The following IRAG1 variants were observed in gnomAD, a reference collection of about 807,000 sequenced individuals.
IRAG1 encodes the protein inositol 1,4,5-triphosphate receptor associated 1.
Under a neutral mutation model 106.2 loss-of-function variants are expected in IRAG1, and 62 were observed. That is an observed-to-expected ratio of 0.58 (90% CI 0.48 to 0.72). The LOEUF (loss-of-function observed/expected upper bound fraction) is 0.72. Ranked by LOEUF, IRAG1 falls within the 30% of genes least tolerant of loss-of-function variation. The probability of loss-of-function intolerance (pLI) is 0.00; values close to 1 mark genes in which losing one functional copy is unlikely to be tolerated. For synonymous variants in IRAG1, 462 were observed against 443.9 expected, an observed-to-expected ratio of 1.04 and a Z score of -0.51; for missense variants, 1,064 against 1,140.7, an observed-to-expected ratio of 0.93 and a Z score of 0.97.
chr11:10,652,636 G>T lies in IRAG1; in HGVS notation c.68-454C>A, dbSNP rs879556339. Among the ~76,000 whole-genome samples the T allele has an allele frequency of 2.0e-5, 3 of 152,082 alleles. No homozygotes were observed. The South Asian group carries it at 6.2e-4, about 32-fold the overall frequency. ...TTCCCATTTTACAGATGAGAGAACC[G>T]CCCCAGAGAGTGAAAGTCACTTGCC... On this transcript the variant is annotated intron_variant, in intron 1 of 20. Transcript: ENST00000423302.
rs1858995179 is a variant in IRAG1 at position 10,657,262 on chromosome 11, C to A, written c.68-5080G>T. ...ATGTTACAGATGAGGAAACAGAGGC[C>A]CAGAGACTTGCCCAATGTCATCGCT... is the stretch of plus-strand genomic sequence containing the variant. On this transcript the variant is annotated intron_variant, in intron 1 of 20. Transcript: ENST00000423302. The surrounding 1 kb of genome is among the most constrained non-coding windows in gnomAD (Gnocchi z 4.1). 1.3e-5 allele frequency among the ~76,000 whole-genome samples: 2 copies of A among 152,064 alleles called. No individual in the cohort carries two copies. Among genetic ancestry groups the A allele is most frequent in the Admixed American group, 1.3e-4 (2 of 15,268 alleles).
chr11:10,671,840 T>A (rs1263144406), intron 1 of IRAG1, among the ~76,000 whole-genome samples: 1 of 152,128 alleles, frequency 6.6e-6, no homozygotes, highest in Admixed American at 6.5e-5. Context: ...AGCCCTAAAT[T>A]GTTGGAATGC....
rs1850802606 is a variant in IRAG1 at position 10,576,196 on chromosome 11, A to C, written c.*136T>G. ...ATGAATAGCTCCCACAGAAGTGCCG[A>C]GTGTTAAAAGAACCCTTCCTCATGA... is the stretch of plus-strand genomic sequence containing the variant. On this transcript the variant is annotated 3_prime_UTR_variant, in exon 21 of 21. Coordinates refer to ENST00000423302, the MANE Select transcript of IRAG1 (RefSeq NM_130385.4). 9.0e-7 allele frequency: 1 copy of C among 1,117,252 alleles called. No homozygotes were observed. The highest frequency in any genetic ancestry group is 1.3e-6 in the Non-Finnish European group (1 of 792,268). The allele number at this position is 1,117,252 out of a possible 1,614,324, so 69.2% of individuals were successfully genotyped here. A position where few individuals can be genotyped will look rare whatever the true frequency, so the allele number is the denominator to read the frequency against.
chr11:10,592,648 G>T (rs181044932), intron 17 of IRAG1, among the ~76,000 whole-genome samples: 27 of 152,182 alleles, frequency 1.8e-4, no homozygotes, highest in African/African-American at 6.3e-4. Flanking sequence ...ACAAAGGCCT[G>T]GGATACAGAA....
intron 19 of IRAG1, 96 bp from the exon 20 acceptor site, chr11:10,580,685 A>G: frequency 3.6e-6 from 5 of 1,383,162 alleles, no homozygotes; most frequent in Non-Finnish European, 4.9e-6. Context: ...AGCACCTCCA[A>G]TAATTATGTG....
chr11:10,669,632 C>A (rs1465297673), intron 1 of IRAG1, among the ~76,000 whole-genome samples: 2 of 152,212 alleles, frequency 1.3e-5, no homozygotes, highest in Non-Finnish European at 2.9e-5. Context: ...CAGCTCTCCC[C>A]CGAGGCCAGA....
intron 9 of IRAG1, among the ~76,000 whole-genome samples, 173 bp from the exon 10 acceptor site, chr11:10,624,029 T>C (rs373624981): frequency 1.3e-5 from 2 of 151,874 alleles, no homozygotes; most frequent in Admixed American, 6.6e-5. Flanking sequence ...AGGAAATAGT[T>C]CCTCTCCCAG....
chr11:10,596,967 C>T (rs900858464), intron 15 of IRAG1, among the ~76,000 whole-genome samples: 2 of 152,224 alleles, frequency 1.3e-5, no homozygotes, highest in African/African-American at 2.4e-5. Flanking sequence ...CAGCCTAATA[C>T]TGGCCTTCTA....
Position 10,576,548 on chromosome 11 carries a change from T to C in IRAG1, c.2523A>G (p.Leu841=). Residue 841 remains leucine, a synonymous_variant, in exon 21 of 21, where the codon TTA becomes TTG. Transcript: ENST00000423302. ...SSKLEELVHF[L]QVMYPKLCQH... ...GACACAGTTTGGGATACATGACTTG[T>C]AAGAAATGGACCAATTCTTCAAGTT... 6.2e-7 allele frequency: 1 copy of C among 1,614,032 alleles called. No individual in the cohort carries two copies. Among genetic ancestry groups the C allele is most frequent in the South Asian group, 1.1e-5 (1 of 91,086 alleles).
intron 11 of IRAG1, among the ~76,000 whole-genome samples, chr11:10,607,010 G>A (rs897901332): frequency 1.3e-5 from 2 of 152,104 alleles, no homozygotes; most frequent in African/African-American, 2.4e-5. Flanking sequence ...AAGCCCCAGC[G>A]TGCTCATCTG....
rs532997699 is a variant in IRAG1, at chr11:10,661,737, T to C, written c.68-9555A>G. Among the ~76,000 whole-genome samples, 95 of 152,106 alleles carry C rather than the reference T, an allele frequency of 6.2e-4. 1 individual carries two copies. The highest frequency in any genetic ancestry group is 7.5e-4 in the Non-Finnish European group (51 of 67,984). On this transcript the variant is annotated intron_variant, in intron 1 of 20. Coordinates refer to ENST00000423302, the MANE Select transcript of IRAG1 (RefSeq NM_130385.4). ...CTCCTTATAAGAACTCATGATTACA[T>C]TGAACCCGCTCAGTTAATCCAGGGT...
chr11:10,586,548 G>A (rs1852025105), intron 18 of IRAG1, among the ~76,000 whole-genome samples: 2 of 151,904 alleles, frequency 1.3e-5, no homozygotes, highest in African/African-American at 2.4e-5. Flanking sequence ...CTCCCAAGTA[G>A]CTGAGATTAC....
chr11:10,660,780 A>G (rs1374811070), intron 1 of IRAG1, among the ~76,000 whole-genome samples: 2 of 152,174 alleles, frequency 1.3e-5, no homozygotes, highest in Non-Finnish European at 2.9e-5. Flanking sequence ...CCTGTGCCCC[A>G]GAGAATGGCA....
intron 1 of IRAG1, among the ~76,000 whole-genome samples, chr11:10,680,404 G>GGAAGGAAGGAAAGGAAGGTAA (rs71034778): frequency 1.2e-5 from 1 of 82,090 alleles, no homozygotes; most frequent in African/African-American, 5.9e-5. Flanking sequence ...AAGGAAGGAA[G>GGAAGGAAGGAAAGGAAGGTAA]GAAAGAAAGG....
chr11:10,627,745 C>G lies in IRAG1; in HGVS notation c.721G>C (p.Asp241His). The G allele has an allele frequency of 6.2e-7, 1 of 1,613,960 alleles. No homozygotes were observed. Among genetic ancestry groups the G allele is most frequent in the South Asian group, 1.1e-5 (1 of 91,084 alleles). Residue 241 changes from aspartate to histidine, a missense_variant, in exon 8 of 21, where the codon GAC becomes CAC. Physicochemically the swap from Asp to His is moderately conservative, Grantham distance 81. Transcript: ENST00000423302. ...TCGCCAGGGTGAGGTGAAGAGACGT[C>G]GGCCTCATCCCCCTTCTGCTGGAGA... ...GAPPQKGDEADVSSPHPGEPN... is the reference protein window; with the variant it reads ...GAPPQKGDEAHVSSPHPGEPN...
chr11:10,593,582 C>A lies in IRAG1; in HGVS notation c.2085G>T (p.Arg695Ser). The change falls in exon 17 of 21, where the codon AGG becomes AGT. Residue 695 changes from arginine (R) to serine (S), a missense_variant. By Grantham distance (110) the Arg-to-Ser change is moderately radical (BLOSUM62 -1). Coordinates refer to ENST00000423302, the MANE Select transcript of IRAG1 (RefSeq NM_130385.4). ...LTLGKNMPRR[R>S]VSVAVVPKFN... is the part of the protein sequence containing the mutation. The stretch of plus-strand genomic sequence containing the variant: ...ACTTAGGAACCACAGCAACGCTGAC[C>A]CTCCGGCGAGGCATATTCTGCAGGA... 6.2e-7 allele frequency: 1 copy of A among 1,613,666 alleles called. No individual in the cohort carries two copies. The highest frequency in any genetic ancestry group is 8.5e-7 in the Non-Finnish European group (1 of 1,179,662).
rs1281319883 is a variant in IRAG1, at chr11:10,575,050, C to T, written c.*1282G>A. 2 of 152,034 alleles carry T rather than the reference C, an allele frequency of 1.3e-5. No individual in the cohort carries two copies. Among genetic ancestry groups the T allele is most frequent in the Non-Finnish European group, 2.9e-5 (2 of 68,002 alleles). The allele number at this position is 152,034 out of a possible 1,614,324, so 9.4% of individuals were successfully genotyped here. A position where few individuals can be genotyped will look rare whatever the true frequency, so the allele number is the denominator to read the frequency against. ...CGTATATGAGTTTTAGCAATGAAAG[C>T]AAACAATATCAATAACAAAACAAAA... On this transcript the variant is annotated 3_prime_UTR_variant, in exon 21 of 21. Transcript: ENST00000423302.
chr11:10,657,943 C>T lies in IRAG1; in HGVS notation c.68-5761G>A, dbSNP rs1352986030. ...AAAAGTCCCCAGAGCACCCATGCCC[C>T]GAGCCCGGCTGCATGTGGCAGCTTT... On this transcript the variant is annotated intron_variant, in intron 1 of 20. Transcript: ENST00000423302. This position sits in a 1 kb window ranked among gnomAD's most constrained non-coding sequence, Gnocchi z 4.1. Among the ~76,000 whole-genome samples the T allele has an allele frequency of 6.6e-6, 1 of 152,216 alleles. No homozygotes were observed. Among genetic ancestry groups the T allele is most frequent in the Non-Finnish European group, 1.5e-5 (1 of 68,042 alleles).
intron 20 of IRAG1, among the ~76,000 whole-genome samples, chr11:10,579,100 G>C (rs756135251): frequency 1.3e-5 from 2 of 152,172 alleles, no homozygotes; most frequent in Non-Finnish European, 2.9e-5. Flanking sequence ...TGTTAAACTT[G>C]GAGGTTCTTT....
Sources: allele counts gnomAD v4.1 joint callset (sites outside exome capture counted in the v4.1 genomes callset), GRCh38; gene constraint gnomAD v4.1.1; non-coding constraint Gnocchi (gnomAD v3.1); transcripts MANE v1.5; gene names NCBI Gene and HGNC (gene_info 2026-07-23, HGNC 2026-07-21).